Variants in IGSF21 observed in about 807,000 individuals in gnomAD.
IGSF21 encodes immunoglobulin superfamily member 21.
Under a neutral mutation model 46.8 loss-of-function variants are expected in IGSF21, and 28 were observed. That is an observed-to-expected ratio of 0.60 (90% confidence interval 0.44 to 0.82). The LOEUF (loss-of-function observed/expected upper bound fraction) is 0.82. Among genes scored for constraint, IGSF21 ranks in the 40% least tolerant of loss-of-function variants. The pLI, the probability that IGSF21 is intolerant of heterozygous loss-of-function variation, is 0.00. For missense variants in IGSF21, 624 were observed against 665.5 expected (o/e 0.94, Z 0.69); for synonymous variants, 284 against 273.6 (o/e 1.04, Z -0.38).
At position 18,135,416 on chromosome 1, in the gene IGSF21, C is replaced by G. The variant is rs2086359746; in HGVS notation, c.70+27218C>G. Among the ~76,000 whole-genome samples, 3 of 149,314 alleles carry G rather than the reference C, an allele frequency of 2.0e-5. No homozygotes were observed. In the South Asian group the frequency reaches 6.6e-4, roughly 33 times the overall value. On this transcript the variant is annotated intron_variant, in intron 1 of 9. Transcript: ENST00000251296. ...CCTAATGCTATCCCTCCCCCCTCCC[C>G]CAACCCCACAACAGTCCCCAGTGTG...
chr1:18,360,998 G>C (rs1214298050), intron 4 of IGSF21, among the ~76,000 whole-genome samples: 1 of 152,100 alleles, frequency 6.6e-6, no homozygotes, highest in African/African-American at 2.4e-5. Flanking sequence ...CAAGGGTTTT[G>C]ACAAACCAGC....
intron 1 of IGSF21, among the ~76,000 whole-genome samples, chr1:18,124,589 G>C (rs1435124670): frequency 6.6e-6 from 1 of 152,118 alleles, no homozygotes; most frequent in African/African-American, 2.4e-5. Context: ...GTGTCTCAGG[G>C]GCTCCAGCTA....
chr1:18,377,541 A>C lies in IGSF21; in HGVS notation c.1333+110A>C, dbSNP rs139260186. 6,533 of 882,880 alleles carry C rather than the reference A, an allele frequency of 7.4e-3. 43 individuals are homozygous for C. Among genetic ancestry groups the C allele is most frequent in the Non-Finnish European group, 0.01 (5,435 of 520,046 alleles). The allele number at this position is 882,880 out of a possible 1,614,324, so 54.7% of individuals were successfully genotyped here. A position where few individuals can be genotyped will look rare whatever the true frequency, so the allele number is the denominator to read the frequency against. ...ATGCACACCCTTGCCACTCCCTGAC[A>C]CCTCAGGCAGGTCATTGCCCTCTAG... On this transcript the variant is annotated intron_variant, in intron 9 of 9. Transcript: ENST00000251296.
intron 1 of IGSF21, among the ~76,000 whole-genome samples, chr1:18,210,256 T>TC (rs996214090): frequency 1.3e-5 from 2 of 151,886 alleles, no homozygotes; most frequent in African/African-American, 2.4e-5. Flanking sequence ...GGAAGAGGGA[T>TC]CCCCCCCAGA....
intron 3 of IGSF21, 125 bp downstream of exon 3, chr1:18,292,112 C>A: frequency 2.0e-6 from 2 of 1,010,094 alleles, no homozygotes; most frequent in Admixed American, 2.2e-5. Flanking sequence ...GAAGGCAGAA[C>A]TGGGGGCTCC....
At chr1:18,306,288 C>T (rs543589421) in intron 3 of IGSF21, among the ~76,000 whole-genome samples, 2 of 152,312 alleles carry the variant, frequency 1.3e-5, no homozygotes, top group East Asian at 3.9e-4. Flanking sequence ...AGGACATTTA[C>T]TCATGCTTTT....
chr1:18,143,239 C>A (rs984949517), intron 1 of IGSF21, among the ~76,000 whole-genome samples: 14 of 152,282 alleles, frequency 9.2e-5, no homozygotes, highest in Non-Finnish European at 2.1e-4. Context: ...TTCTGTCGGG[C>A]CTGGGCTCAG....
chr1:18,280,109 G>A (rs773118065), intron 2 of IGSF21, among the ~76,000 whole-genome samples: 27 of 152,146 alleles, frequency 1.8e-4, no homozygotes, highest in Non-Finnish European at 1.9e-4. Flanking sequence ...GGGGTGACAC[G>A]GGGACTGAGT....
At chr1:18,222,920 T>C (rs2084525174) in intron 1 of IGSF21, among the ~76,000 whole-genome samples, 1 of 152,196 alleles carries the variant, frequency 6.6e-6, no homozygotes, top group Non-Finnish European at 1.5e-5. Context: ...AGGTGTTTTC[T>C]CACCTGTGAT....
intron 1 of IGSF21, chr1:18,111,214 T>C (rs1285996314): frequency 1.3e-5 from 2 of 152,208 alleles, no homozygotes; most frequent in African/African-American, 2.4e-5. Context: ...CTGGGGGAGT[T>C]AAGGGCCCTA....
At chr1:18,222,328 C>G (rs2084518484) in intron 1 of IGSF21, among the ~76,000 whole-genome samples, 1 of 152,194 alleles carries the variant, frequency 6.6e-6, no homozygotes, top group African/African-American at 2.4e-5. Context: ...AGCTAGTCAT[C>G]TCTGAATCTT....
At chr1:18,285,189 C>CTTTT (rs11346536) in intron 2 of IGSF21, among the ~76,000 whole-genome samples, 1 of 140,546 alleles carries the variant, frequency 7.1e-6, no homozygotes. Flanking sequence ...TTCCCCTTTT[C>CTTTT]TTTTTTTTTT....
rs2086587950 is a variant in IGSF21, at chr1:18,158,538, G to A, written c.70+50340G>A. Among the ~76,000 whole-genome samples, 3 of 152,096 alleles carry A rather than the reference G, an allele frequency of 2.0e-5. No individual in the cohort carries two copies. In the South Asian group the frequency reaches 6.2e-4, roughly 32 times the overall value. Reference sequence around the variant, plus strand: ...TGTCTGCTGCCCACTCCTGACCAGGGCAGCGTCGGGGAACAGTGCCTCCAG... The same window carrying A: ...TGTCTGCTGCCCACTCCTGACCAGGACAGCGTCGGGGAACAGTGCCTCCAG... On this transcript the variant is annotated intron_variant, in intron 1 of 9. Coordinates refer to ENST00000251296, the MANE Select transcript of IGSF21 (RefSeq NM_032880.5).
At chr1:18,306,901 G>T (rs146841989) in intron 3 of IGSF21, among the ~76,000 whole-genome samples, 4 of 152,356 alleles carry the variant, frequency 2.6e-5, no homozygotes, top group African/African-American at 9.6e-5. Context: ...CAGGCCCCAG[G>T]GTGACCAGGC....
At chr1:18,139,554 AGGTCAGGAAT>A (rs2086396293) in intron 1 of IGSF21, among the ~76,000 whole-genome samples, 1 of 152,164 alleles carries the variant, frequency 6.6e-6, no homozygotes, top group Admixed American at 6.5e-5. Context: ...TGCTGTCGTC[AGGTCAGGAAT>A]GGACCACTGT....
At chr1:18,318,226 G>GC (rs1476600602) in intron 3 of IGSF21, among the ~76,000 whole-genome samples, 5 of 152,076 alleles carry the variant, frequency 3.3e-5, no homozygotes, top group Admixed American at 2.6e-4. Context: ...AGAAGCCCTG[G>GC]CCCCCCGTCC....
At chr1:18,319,848 C>T (rs1358989844) in intron 3 of IGSF21, among the ~76,000 whole-genome samples, 1 of 152,174 alleles carries the variant, frequency 6.6e-6, no homozygotes, top group Admixed American at 6.5e-5. Context: ...TTTCTAAATA[C>T]ACCTGTAATC....
At chr1:18,211,588 A>C (rs1328403076) in intron 1 of IGSF21, among the ~76,000 whole-genome samples, 1 of 152,212 alleles carries the variant, frequency 6.6e-6, no homozygotes, top group Non-Finnish European at 1.5e-5. Context: ...TGAGCCCAGC[A>C]ATTAATTCGT....
chr1:18,299,595 C>T (rs1289721501), intron 3 of IGSF21, among the ~76,000 whole-genome samples: 3 of 152,158 alleles, frequency 2.0e-5, no homozygotes, highest in African/African-American at 7.2e-5. Flanking sequence ...ACTCAGCAAA[C>T]ACACGTTGTT....
Sources: gnomAD v4.1 joint callset for allele counts (sites outside exome capture counted in the v4.1 genomes callset) on GRCh38, gnomAD v4.1.1 for gene constraint, MANE v1.5 for transcripts, NCBI Gene and HGNC (gene_info 2026-07-23, HGNC 2026-07-21) for gene names.